Variants in FMN1 observed in about 807,000 individuals in gnomAD.
FMN1 encodes the protein formin-1.
In FMN1, 110 loss-of-function variants were observed where a neutral mutation model predicts 132.4. That is an observed-to-expected ratio of 0.83 (90% CI 0.71 to 0.97). The LOEUF (loss-of-function observed/expected upper bound fraction) is 0.97, where lower values mean the gene tolerates loss of function less well. Among genes scored for constraint, FMN1 ranks in the 50% least tolerant of loss-of-function variants. The pLI is 0.00. For synonymous variants in FMN1, 722 were observed against 651.7 expected (o/e 1.11, Z -1.64); for missense variants, 1,792 against 1,705.3 (o/e 1.05, Z -0.90).
At chr15:32,817,540 CTG>C (rs1302496796) in intron 17 of FMN1, among the ~76,000 whole-genome samples, 1 of 152,170 alleles carries the variant, frequency 6.6e-6, no homozygotes, top group African/African-American at 2.4e-5. Flanking sequence ...AGGTCATAAT[CTG>C]TCTCTTGGGT....
chr15:32,962,376 A>C (rs2030669308), intron 9 of FMN1, among the ~76,000 whole-genome samples: 1 of 152,038 alleles, frequency 6.6e-6, no homozygotes, highest in African/African-American at 2.4e-5. Context: ...TTAGACCTAA[A>C]ACCATAAAAA....
intron 4 of FMN1, among the ~76,000 whole-genome samples, chr15:33,120,753 TA>T (rs1406863121): frequency 6.6e-6 from 1 of 152,192 alleles, no homozygotes; most frequent in Non-Finnish European, 1.5e-5. Flanking sequence ...AAATTTATTC[TA>T]CCTATTACCC....
chr15:32,923,418 A>T (rs1298659837), intron 10 of FMN1, among the ~76,000 whole-genome samples: 1 of 152,190 alleles, frequency 6.6e-6, no homozygotes, highest in Non-Finnish European at 1.5e-5. Flanking sequence ...AGGAAAACTA[A>T]CCTCCAGTTA....
intron 4 of FMN1, among the ~76,000 whole-genome samples, chr15:33,124,310 G>C (rs946493696): frequency 2.0e-5 from 3 of 152,338 alleles, no homozygotes; most frequent in Non-Finnish European, 2.9e-5. Flanking sequence ...AAAGTGAGAA[G>C]GGGGTCTGGT....
chr15:32,849,487 A>T (rs1439497025), intron 17 of FMN1, among the ~76,000 whole-genome samples: 1 of 152,090 alleles, frequency 6.6e-6, no homozygotes, highest in Non-Finnish European at 1.5e-5. Flanking sequence ...AAAGATGCTT[A>T]GTATTCCAAT....
chr15:33,106,722 C>A (rs1335789147), intron 4 of FMN1, among the ~76,000 whole-genome samples: 1 of 152,000 alleles, frequency 6.6e-6, no homozygotes, highest in Non-Finnish European at 1.5e-5. Flanking sequence ...TTGCACTGTA[C>A]AATAGGATGT....
intron 3 of FMN1, among the ~76,000 whole-genome samples, chr15:33,164,094 C>A (rs1965003514): frequency 6.9e-6 from 1 of 144,170 alleles, no homozygotes; most frequent in Admixed American, 6.9e-5. Context: ...TCAGCCTTGA[C>A]AAGAAGGAGG....
At chr15:32,923,047 TTA>T (rs1421681671) in intron 10 of FMN1, among the ~76,000 whole-genome samples, 1 of 152,214 alleles carries the variant, frequency 6.6e-6, no homozygotes, top group African/African-American at 2.4e-5. Flanking sequence ...GCTTGCTGGT[TTA>T]TACATCAGCT....
chr15:33,050,564 G>C (rs2036922377), intron 6 of FMN1, among the ~76,000 whole-genome samples: 1 of 152,164 alleles, frequency 6.6e-6, no homozygotes, highest in Non-Finnish European at 1.5e-5. Context: ...TTAAAAAACA[G>C]TGTGTGATTT....
intron 16 of FMN1, among the ~76,000 whole-genome samples, chr15:32,882,569 T>C (rs968565719): frequency 2.6e-5 from 4 of 152,192 alleles, no homozygotes; most frequent in African/African-American, 9.7e-5. Context: ...TAGTGCATAA[T>C]GATAATAAAA....
At chr15:33,098,156 G>A (rs1329860647) in intron 4 of FMN1, among the ~76,000 whole-genome samples, 1 of 152,134 alleles carries the variant, frequency 6.6e-6, no homozygotes, top group African/African-American at 2.4e-5. Context: ...TAACTCATAG[G>A]TCAAAGAAGA....
At chr15:32,899,258 C>T (rs951274459) in intron 14 of FMN1, among the ~76,000 whole-genome samples, 13 of 152,162 alleles carry the variant, frequency 8.5e-5, no homozygotes, top group East Asian at 5.8e-4. Flanking sequence ...CCTCCCTGCC[C>T]GTCTTTCAAA....
intron 10 of FMN1, among the ~76,000 whole-genome samples, chr15:32,917,760 C>G (rs2140306815): frequency 6.6e-6 from 1 of 152,222 alleles, no homozygotes; most frequent in East Asian, 1.9e-4. Flanking sequence ...CACTTAAAAT[C>G]CTTACCATCT....
At chr15:33,128,515 A>G (rs1348797952) in intron 4 of FMN1, among the ~76,000 whole-genome samples, 2 of 152,240 alleles carry the variant, frequency 1.3e-5, no homozygotes, top group Non-Finnish European at 2.9e-5. Flanking sequence ...TTACACTGAG[A>G]ATGAAACAGC....
chr15:33,076,448 C>G (rs569333455), intron 5 of FMN1, among the ~76,000 whole-genome samples: 2 of 152,012 alleles, frequency 1.3e-5, no homozygotes, highest in African/African-American at 4.8e-5. Context: ...AATATTAGTT[C>G]GAACTCCAAA....
At chr15:32,811,607 T>A (rs2057880303) in intron 17 of FMN1, among the ~76,000 whole-genome samples, 1 of 151,956 alleles carries the variant, frequency 6.6e-6, no homozygotes, top group Admixed American at 6.6e-5. Context: ...TGATGTGCTA[T>A]CCTGGATCCT....
rs556336825 is a variant in FMN1, at chr15:33,004,884, T to C, written c.2223+3130A>G. ...TAAAAAATGATGAGTTCATGTCCTT[T>C]GTAGGGACATGGATGAAGCTGGAAA... On this transcript the variant is annotated intron_variant, in intron 7 of 20. Coordinates refer to ENST00000616417, the MANE Select transcript of FMN1 (RefSeq NM_001277313.2). Among the ~76,000 whole-genome samples the C allele has an allele frequency of 5.8e-3, 877 of 152,286 alleles. 6 individuals are homozygous for C. Among genetic ancestry groups the C allele is most frequent in the African/African-American group, 0.02 (827 of 41,552 alleles).
At chr15:32,993,242 A>G (rs1399668438) in intron 7 of FMN1, among the ~76,000 whole-genome samples, 3 of 151,538 alleles carry the variant, frequency 2.0e-5, no homozygotes, top group Non-Finnish European at 4.4e-5. Flanking sequence ...TTGCTGCTTT[A>G]TAAGTCAAAT....
At chr15:33,140,563 A>G (rs887793818) in intron 4 of FMN1, among the ~76,000 whole-genome samples, 24 of 152,348 alleles carry the variant, frequency 1.6e-4, no homozygotes, top group African/African-American at 5.3e-4. Context: ...CCTGCCACCC[A>G]GGAGCTGGTG....
Sources: allele counts gnomAD v4.1 joint callset (sites outside exome capture counted in the v4.1 genomes callset), GRCh38; gene constraint gnomAD v4.1.1; transcripts MANE v1.5; gene names NCBI Gene and HGNC (gene_info 2026-07-23, HGNC 2026-07-21).